AHNAK: variants seen among roughly 807,000 people sequenced by gnomAD.
AHNAK encodes AHNAK nucleoprotein.
Under a neutral mutation model 37.8 loss-of-function variants are expected in AHNAK, and 23 were observed. That is an observed-to-expected ratio of 0.61 (90% confidence interval 0.44 to 0.86). The LOEUF (loss-of-function observed/expected upper bound fraction) is 0.86. Among genes scored for constraint, AHNAK ranks in the 40% least tolerant of loss-of-function variants. The probability of loss-of-function intolerance (pLI) is 0.00; values close to 1 mark genes in which losing one functional copy is unlikely to be tolerated. For missense variants in AHNAK, 7,411 were observed against 7,319.4 expected, an observed-to-expected ratio of 1.01 and a Z score of -0.46; for synonymous variants, 2,481 against 2,636.3, an observed-to-expected ratio of 0.94 and a Z score of 1.80.
At chr11:62,468,122 C>T (rs1304698695) in intron 5 of AHNAK, among the ~76,000 whole-genome samples, 1 of 151,918 alleles carries the variant, frequency 6.6e-6, no homozygotes, top group African/African-American at 2.4e-5. Flanking sequence ...CCGAAATGGG[C>T]GTTATCACTT....
rs1940900547 is a variant in AHNAK at position 62,535,108 on chromosome 11, G to T, written c.237C>A (p.His79Gln). 1.2e-6 allele frequency: 2 copies of T among 1,613,870 alleles called. No homozygotes were observed. Among genetic ancestry groups the T allele is most frequent in the Admixed American group, 1.7e-5 (1 of 60,010 alleles). ...GGTGCAGCTTCAGGCCCACCGTGTG[G>T]TGCCCCATGGTGTTCAGCAGCTGGG... Reference protein sequence around the residue: ...EVTQLLNTMGHHTVGLKLHRK... With the variant: ...EVTQLLNTMGQHTVGLKLHRK... Residue 79 changes from histidine to glutamine, a missense_variant, in exon 4 of 5, where the codon CAC becomes CAA. His to Gln is a conservative substitution (Grantham distance 24). Coordinates refer to ENST00000378024, the MANE Select transcript of AHNAK (RefSeq NM_001620.3).
In AHNAK at chr11:62,523,358, C is replaced by G. The variant is rs753993014; in HGVS notation, c.11059G>C (p.Gly3687Arg). The change falls in exon 5 of 5, where the codon GGT becomes CGT. Residue 3687 changes from glycine to arginine, a missense_variant. By Grantham distance (125) the Gly-to-Arg change is moderately radical. Transcript: ENST00000378024. ...TTGGGCAAAGACACAACCACATCAC[C>G]CTTCATTTTGGGTCCCTTCAAGTTC... Reference protein sequence around the residue: ...DLNLKGPKMKGDVVVSLPKVE... With the variant: ...DLNLKGPKMKRDVVVSLPKVE... 1.2e-6 allele frequency: 2 copies of G among 1,612,554 alleles called. No individual in the cohort carries two copies. The highest frequency in any genetic ancestry group is 1.7e-5 in the Admixed American group (1 of 59,746).
intron 4 of AHNAK, among the ~76,000 whole-genome samples, chr11:62,499,346 C>T (rs1443827938): frequency 6.6e-6 from 1 of 152,166 alleles, no homozygotes; most frequent in Non-Finnish European, 1.5e-5. Flanking sequence ...GTCGGGAGTT[C>T]GAGACCAGCC....
chr11:62,535,869 C>T, intron 3 of AHNAK, 76 bp downstream of exon 3: 11 of 1,533,804 alleles, frequency 7.2e-6, no homozygotes, highest in Non-Finnish European at 9.6e-6. Context: ...CTTCTGCCTG[C>T]TCCCTGCCCT....
Position 62,530,397 on chromosome 11 carries a change from A to T in AHNAK, c.4020T>A (p.Asp1340Glu). The change falls in exon 5 of 5, where the codon GAT becomes GAA. Residue 1340 changes from aspartate (D) to glutamate (E), a missense_variant. Asp to Glu is a conservative substitution (Grantham distance 45). Transcript: ENST00000378024. ...LNLKGPKLKGDVDVSLPEVEG... is the reference protein window; with the variant it reads ...LNLKGPKLKGEVDVSLPEVEG... ...CTACCTCAGGCAAGGACACATCCAC[A>T]TCTCCCTTCAATTTTGGCCCCTTAA... 6.2e-7 allele frequency: 1 copy of T among 1,614,036 alleles called. No homozygotes were observed. Among genetic ancestry groups the T allele is most frequent in the Non-Finnish European group, 8.5e-7 (1 of 1,180,018 alleles).
chr11:62,540,328 T>C (rs114588644), intron 1 of AHNAK, among the ~76,000 whole-genome samples: 1,955 of 152,348 alleles, frequency 0.013, 50 homozygotes, highest in African/African-American at 0.045. Flanking sequence ...CTGGCTACTA[T>C]ATTAGCGTGG....
At chr11:62,474,238 G>A (rs1237754842) in intron 5 of AHNAK, among the ~76,000 whole-genome samples, 1 of 149,908 alleles carries the variant, frequency 6.7e-6, no homozygotes, top group Non-Finnish European at 1.5e-5. Flanking sequence ...AGGCTGGAGT[G>A]CAGTGGCACG....
At position 62,504,748 on chromosome 11, in the gene AHNAK, G is replaced by T. The variant is rs549654688; in HGVS notation, c.343-12917C>A. Among the ~76,000 whole-genome samples, 18 of 152,186 alleles carry T rather than the reference G, an allele frequency of 1.2e-4. No homozygotes were observed. The East Asian group carries it at 3.5e-3, about 29-fold the overall frequency. On this transcript the variant is annotated intron_variant, in intron 4 of 5. Coordinates refer to the AHNAK transcript ENST00000257247. ...AAGGCCAAAACTCCTCCACATAGGG[G>T]TCAAGCGCCCCTGCCCCACCCCCTA... is the stretch of plus-strand genomic sequence containing the variant.
chr11:62,527,123 G>C lies in AHNAK; in HGVS notation c.7294C>G (p.Pro2432Ala), dbSNP rs1174494478. The C allele has an allele frequency of 1.1e-5, 18 of 1,613,910 alleles. No homozygotes were observed. Among genetic ancestry groups the C allele is most frequent in the Non-Finnish European group, 1.5e-5 (18 of 1,179,962 alleles). ...VSGPDIDIEG[P>A]EGKLKGPKFK... The stretch of plus-strand genomic sequence containing the variant: ...TTAGGGCCTTTCAATTTGCCCTCTG[G>C]TCCCTCAATGTCAATGTCTGGCCCA... Residue 2432 changes from proline to alanine, a missense_variant, in exon 5 of 5, where the codon CCA becomes GCA. Physicochemically the swap from Pro to Ala is conservative, Grantham distance 27 (BLOSUM62 -1). Transcript: ENST00000378024.
Position 62,516,069 on chromosome 11 carries a change from T to G in AHNAK, c.*675A>C. The G allele has an allele frequency of 2.5e-6, 3 of 1,216,916 alleles. No individual in the cohort carries two copies. Among genetic ancestry groups the G allele is most frequent in the Non-Finnish European group, 3.1e-6 (3 of 952,462 alleles). The allele number at this position is 1,216,916 out of a possible 1,614,324, so 75.4% of individuals were successfully genotyped here. Reference sequence around the variant, plus strand: ...GGCGGCATGAAGGAAACAGTTCCCTTACAAAACACAGAAAATGGAAGCCCC... The same window carrying G: ...GGCGGCATGAAGGAAACAGTTCCCTGACAAAACACAGAAAATGGAAGCCCC... On this transcript the variant is annotated 3_prime_UTR_variant, in exon 5 of 5. Coordinates refer to ENST00000378024, the MANE Select transcript of AHNAK (RefSeq NM_001620.3).
intron 5 of AHNAK, among the ~76,000 whole-genome samples, chr11:62,483,059 A>G (rs917392493): frequency 6.6e-6 from 1 of 152,204 alleles, no homozygotes; most frequent in Admixed American, 6.5e-5. Flanking sequence ...CACACCAAGA[A>G]GCACTGCCTG....
At position 62,531,970 on chromosome 11, in the gene AHNAK, G is replaced by A. The variant is rs1313135836; in HGVS notation, c.2447C>T (p.Pro816Leu). The A allele has an allele frequency of 6.2e-7, 1 of 1,614,142 alleles. No individual in the cohort carries two copies. Residue 816 changes from proline (P) to leucine (L), a missense_variant, in exon 5 of 5, where the codon CCC becomes CTC. Physicochemically the swap from Pro to Leu is moderately conservative, Grantham distance 98. Coordinates refer to ENST00000378024, the MANE Select transcript of AHNAK (RefSeq NM_001620.3). ...GTCCACATCAGGCATGGAGATCTTG[G>A]GGACTTTGATGTTCATCTCAGGCAT... ...FKMPEMNIKV[P>L]KISMPDVDLH...
rs143738852 is a variant in AHNAK, at chr11:62,525,770, C to T, written c.8647G>A (p.Val2883Ile). 4.3e-5 allele frequency: 69 copies of T among 1,613,284 alleles called. No individual in the cohort carries two copies. The East Asian group carries it at 1.5e-3, about 35-fold the overall frequency. ...GPKVDIDVPD[V>I]NVQGPDWHLK... ...TGCCAGTCTGGACCCTGAACATTAA[C>T]ATCTGGGACATCAATGTCCACTTTG... Residue 2883 changes from valine (V) to isoleucine (I), a missense_variant, in exon 5 of 5, where the codon GTT becomes ATT. Transcript: ENST00000378024.
At chr11:62,481,104 G>GT (rs1369783242) in intron 5 of AHNAK, among the ~76,000 whole-genome samples, 1 of 43,828 alleles carries the variant, frequency 2.3e-5, no homozygotes, top group Non-Finnish European at 1.1e-4. Flanking sequence ...TTTTTTTTTG[G>GT]TTTTTTTTTT....
chr11:62,457,447 C>CAA, intron 5 of AHNAK, among the ~76,000 whole-genome samples: 1 of 127,006 alleles, frequency 7.9e-6, no homozygotes, highest in Middle Eastern at 4.1e-3. Context: ...GACTCCTTTT[C>CAA]AAAAAAAAAA....
chr11:62,450,156 A>C (rs137937885), intron 5 of AHNAK, among the ~76,000 whole-genome samples: 1,459 of 145,182 alleles, frequency 0.01, 28 homozygotes, highest in African/African-American at 0.035. Flanking sequence ...TTATTTATTT[A>C]CTTTATTTAT....
In AHNAK at chr11:62,522,295, T is replaced by C. The variant is rs148327896; in HGVS notation, c.12122A>G (p.Lys4041Arg). ...CACATCTGGGGCATCAATGTCCACT[T>C]TGGGGCCCTTGATGTCAACTTCAGG... ...KAPEVDIKGP[K>R]VDIDAPDVDV... The change falls in exon 5 of 5, where the codon AAA (lysine) becomes AGA (arginine). Residue 4041 changes from lysine to arginine, a missense_variant. Transcript: ENST00000378024. The C allele has an allele frequency of 1.4e-4, 224 of 1,613,424 alleles. No homozygotes were observed. The African/African-American group carries it at 2.8e-3, about 20-fold the overall frequency.
At position 62,531,458 on chromosome 11, in the gene AHNAK, C is replaced by T; in HGVS notation, c.2959G>A (p.Val987Ile). The change falls in exon 5 of 5, where the codon GTT becomes ATT. Residue 987 changes from valine to isoleucine, a missense_variant. Val to Ile is a conservative substitution (Grantham distance 29). Transcript: ENST00000378024. ...GPKVDVSAPD[V>I]EMQGPDWNLK... ...TTCCAGTCAGGACCCTGCATTTCAA[C>T]ATCTGGGGCACTGACATCTACTTTT... The T allele has an allele frequency of 6.2e-7, 1 of 1,614,248 alleles. No individual in the cohort carries two copies. Among genetic ancestry groups the T allele is most frequent in the Middle Eastern group, 1.6e-4 (1 of 6,062 alleles).
intron 5 of AHNAK, among the ~76,000 whole-genome samples, chr11:62,467,542 G>A (rs758080562): frequency 2.2e-4 from 34 of 152,106 alleles, no homozygotes; most frequent in Non-Finnish European, 2.6e-4. Context: ...AACATTAGCC[G>A]GGCATGGTAG....
Sources: allele counts gnomAD v4.1 joint callset (sites outside exome capture counted in the v4.1 genomes callset), GRCh38; gene constraint gnomAD v4.1.1; transcripts MANE v1.5; gene names NCBI Gene and HGNC (gene_info 2026-07-23, HGNC 2026-07-21).